PCOLCE: variants seen among roughly 807,000 people sequenced by gnomAD.
PCOLCE encodes the protein procollagen C-endopeptidase enhancer 1.
Under a neutral mutation model 47.2 loss-of-function variants are expected in PCOLCE, and 33 were observed. The observed-to-expected ratio is 0.70, with a 90% CI of 0.53 to 0.93. The LOEUF is 0.93. Ranked by LOEUF, PCOLCE falls within the 40% of genes least tolerant of loss-of-function variation. PCOLCE has a pLI of 0.00. For missense variants in PCOLCE, 584 were observed against 585.3 expected, an observed-to-expected ratio of 1.00 and a Z score of 0.02; for synonymous variants, 254 against 252.5, an observed-to-expected ratio of 1.01 and a Z score of -0.06.
chr7:100,605,136 T>G lies in PCOLCE; in HGVS notation c.509T>G (p.Leu170Arg). 9.3e-6 allele frequency: 15 copies of G among 1,610,350 alleles called. No individual in the cohort carries two copies. Among genetic ancestry groups the G allele is most frequent in the Non-Finnish European group, 1.3e-5 (15 of 1,178,070 alleles). ...GGRLEKAQGT[L>R]TTPNWPESDY... is the part of the protein sequence containing the mutation. ...CGGCTGGAGAAGGCCCAGGGAACCCTGACCACGCCCAACTGGCCCGAGTCC... is the reference window on the plus strand; with the variant it reads ...CGGCTGGAGAAGGCCCAGGGAACCCGGACCACGCCCAACTGGCCCGAGTCC... Residue 170 changes from leucine (L) to arginine (R), a missense_variant, in exon 4 of 9, where the codon CTG (leucine) becomes CGG (arginine). By Grantham distance (102) the Leu-to-Arg change is moderately radical. Transcript: ENST00000223061. This position sits in a 1 kb window ranked among gnomAD's most constrained non-coding sequence, Gnocchi z 6.1.
rs373022021 is a variant in PCOLCE, at chr7:100,607,647, G to A, written c.1023G>A (p.Ala341=). 46 of 1,613,944 alleles carry A rather than the reference G, an allele frequency of 2.9e-5. 1 individual carries two copies. The highest frequency in any genetic ancestry group is 6.7e-5 in the Admixed American group (4 of 59,984). Residue 341 remains alanine (A), a synonymous_variant, in exon 8 of 9, where the codon GCG becomes GCA. Coordinates refer to ENST00000223061, the MANE Select transcript of PCOLCE (RefSeq NM_002593.4). ...NFCASSLVVT[A]TVKSMVREPG... ...CCCATTCTCCCACAGTGGTGACTGC[G>A]ACAGTGAAGTCCATGGTTCGGGAGC...
chr7:100,604,263 C>T lies in PCOLCE; in HGVS notation c.463+46C>T. 6.6e-7 allele frequency: 1 copy of T among 1,516,200 alleles called. No homozygotes were observed. Among genetic ancestry groups the T allele is most frequent in the South Asian group, 1.2e-5 (1 of 83,160 alleles). 93.9% of individuals were successfully genotyped at this position (1,516,200 alleles called of 1,614,324 possible). A position where few individuals can be genotyped will look rare whatever the true frequency, so the allele number is the denominator to read the frequency against. The stretch of plus-strand genomic sequence containing the variant: ...GCCTTCCCCCCCTCCAGGCCCCGCC[C>T]CGGCCGCAGCCCCGCCCCCAGCCCT... On this transcript the variant is annotated intron_variant, in intron 3 of 8. Transcript: ENST00000223061. This position sits in a 1 kb window ranked among gnomAD's most constrained non-coding sequence, Gnocchi z 6.4.
At position 100,603,519 on chromosome 7, in the gene PCOLCE, A is replaced by C. The variant is rs1392179967; in HGVS notation, c.185A>C (p.Glu62Ala). The C allele has an allele frequency of 6.3e-7, 1 of 1,590,688 alleles. No individual in the cohort carries two copies. The highest frequency in any genetic ancestry group is 8.6e-7 in the Non-Finnish European group (1 of 1,163,154). ...CCCAACCTCTACCCCCCTAATAAGG[A>C]GTGCATCTGGACCATAACGGTGAGA... ...GFPNLYPPNK[E>A]CIWTITVPEG... The change falls in exon 2 of 9, where the codon GAG (glutamate) becomes GCG (alanine). Residue 62 changes from glutamate to alanine, a missense_variant. Physicochemically the swap from Glu to Ala is moderately radical, Grantham distance 107 (BLOSUM62 -1). Coordinates refer to ENST00000223061, the MANE Select transcript of PCOLCE (RefSeq NM_002593.4).
chr7:100,605,732 T>TGA lies in PCOLCE; in HGVS notation c.646_647dup (p.Asp216GlufsTer11). 1 of 1,572,458 alleles carries TGA rather than the reference T, an allele frequency of 6.4e-7. No individual in the cohort carries two copies. The highest frequency in any genetic ancestry group is 8.6e-7 in the Non-Finnish European group (1 of 1,159,024). ...TGGAGCCGGACACCTACTGCCGCTA[T>TGA]GACTCGGTCAGCGTGTTCAACGGAG... On this transcript the variant is annotated frameshift_variant, in exon 5 of 9. Coordinates refer to ENST00000223061, the MANE Select transcript of PCOLCE (RefSeq NM_002593.4). LOFTEE classifies it high-confidence loss of function. The surrounding 1 kb of genome is among the most constrained non-coding windows in gnomAD (Gnocchi z 6.1).
chr7:100,607,519 C>T lies in PCOLCE; in HGVS notation c.1008C>T (p.Ser336=). 6.2e-7 allele frequency: 1 copy of T among 1,614,084 alleles called. No homozygotes were observed. Residue 336 remains serine, a synonymous_variant, in exon 7 of 9, where the codon AGC becomes AGT. Coordinates refer to ENST00000223061, the MANE Select transcript of PCOLCE (RefSeq NM_002593.4). ...GTLQSNFCAS[S]LVVTATVKSM... The stretch of plus-strand genomic sequence containing the variant: ...TGCAGAGCAACTTCTGTGCCAGCAG[C>T]CTTGGTAAGAATACCCCCAACCCCA...
chr7:100,605,027 T>G lies in PCOLCE; in HGVS notation c.464-64T>G. ...GCCTGCCGGGGCTCCCAGCCTAGAG[T>G]TCTCCTGAAGCTGACCGAGGGTCTC... On this transcript the variant is annotated intron_variant, in intron 3 of 8. Coordinates refer to ENST00000223061, the MANE Select transcript of PCOLCE (RefSeq NM_002593.4). The surrounding 1 kb of genome is among the most constrained non-coding windows in gnomAD (Gnocchi z 6.1). The G allele has an allele frequency of 7.8e-7, 1 of 1,278,754 alleles. No homozygotes were observed. The allele number at this position is 1,278,754 out of a possible 1,614,324, so 79.2% of individuals were successfully genotyped here.
Position 100,605,080 on chromosome 7 carries a change from C to A in PCOLCE, c.464-11C>A, listed in dbSNP as rs1440278384. ...CCGCCCCCCACCCCCGCTCCTCTCT[C>A]CCCTCCCCAGAGCACCAATTTTGCG... On this transcript the variant is annotated splice_polypyrimidine_tract_variant and intron_variant, in intron 3 of 8. Coordinates refer to ENST00000223061, the MANE Select transcript of PCOLCE (RefSeq NM_002593.4). The surrounding 1 kb of genome is among the most constrained non-coding windows in gnomAD (Gnocchi z 6.1). The A allele has an allele frequency of 1.9e-6, 3 of 1,604,136 alleles. No homozygotes were observed. The highest frequency in any genetic ancestry group is 1.7e-6 in the Non-Finnish European group (2 of 1,173,156).
At position 100,607,518 on chromosome 7, in the gene PCOLCE, G is replaced by T. The variant is rs1465246140; in HGVS notation, c.1007G>T (p.Ser336Ile). The T allele has an allele frequency of 6.2e-7, 1 of 1,614,058 alleles. No individual in the cohort carries two copies. The highest frequency in any genetic ancestry group is 1.7e-5 in the Admixed American group (1 of 60,014). The change falls in exon 7 of 9, where the codon AGC becomes ATC. Residue 336 changes from serine (S) to isoleucine (I), a missense_variant. Ser to Ile is a moderately radical substitution (Grantham distance 142). Transcript: ENST00000223061. ...TTGCAGAGCAACTTCTGTGCCAGCA[G>T]CCTTGGTAAGAATACCCCCAACCCC... ...GTLQSNFCAS[S>I]LVVTATVKSM...
Position 100,605,496 on chromosome 7 carries a change from C to A in PCOLCE, c.589-180C>A. Reference sequence around the variant, plus strand: ...ACCTTGCCAACCACGACGACCGACACCCCTGCAGGGTCCCATGGGTGTGTG... The same window carrying A: ...ACCTTGCCAACCACGACGACCGACAACCCTGCAGGGTCCCATGGGTGTGTG... On this transcript the variant is annotated intron_variant, in intron 4 of 8. Transcript: ENST00000223061. The surrounding 1 kb of genome is among the most constrained non-coding windows in gnomAD (Gnocchi z 6.1). The A allele has an allele frequency of 1.3e-6, 1 of 773,526 alleles. No homozygotes were observed. 47.9% of individuals were successfully genotyped at this position (773,526 alleles called of 1,614,324 possible).
In PCOLCE at chr7:100,604,792, GGGGAAGAGGCGCGGTGC is replaced by G; in HGVS notation, c.464-296_464-280del. ...AGGGCCGGGGAGATGGGATCTCCTA[GGGGAAGAGGCGCGGTGC>G]GGCCGCGGGTCGGGGAGGGGCCAGA... On this transcript the variant is annotated intron_variant, in intron 3 of 8. Transcript: ENST00000223061. This position sits in a 1 kb window ranked among gnomAD's most constrained non-coding sequence, Gnocchi z 6.4. 1 of 447,138 alleles carries G rather than the reference GGGGAAGAGGCGCGGTGC, an allele frequency of 2.2e-6. No individual in the cohort carries two copies. The highest frequency in any genetic ancestry group is 4.1e-6 in the Non-Finnish European group (1 of 245,152). 27.7% of individuals were successfully genotyped at this position (447,138 alleles called of 1,614,324 possible).
rs1802698713 is a variant in PCOLCE at position 100,605,541 on chromosome 7, G to A, written c.589-135G>A. On this transcript the variant is annotated intron_variant, in intron 4 of 8. Coordinates refer to ENST00000223061, the MANE Select transcript of PCOLCE (RefSeq NM_002593.4). The surrounding 1 kb of genome is among the most constrained non-coding windows in gnomAD (Gnocchi z 6.1). ...TGTGTGTGGTCCTCCGTGCTGTGGT[G>A]TGAACGCCTTCAGGAGGGGGGCCCA... The A allele has an allele frequency of 1.0e-5, 11 of 1,079,696 alleles. No individual in the cohort carries two copies. Among genetic ancestry groups the A allele is most frequent in the Middle Eastern group, 3.1e-4 (1 of 3,276 alleles). The allele number at this position is 1,079,696 out of a possible 1,614,324, so 66.9% of individuals were successfully genotyped here.
chr7:100,602,525 C>G lies in PCOLCE; in HGVS notation c.69C>G (p.Ala23=), dbSNP rs766838771. 1 of 1,611,654 alleles carries G rather than the reference C, an allele frequency of 6.2e-7. No homozygotes were observed. Among genetic ancestry groups the G allele is most frequent in the Non-Finnish European group, 8.5e-7 (1 of 1,178,336 alleles). The part of the protein sequence containing the change: ...LLTACALLPF[A]QGQTPNYTRP... Reference sequence around the variant, plus strand: ...CTGCCTGCGCCCTGCTGCCTTTTGCCCAGGGCCAGACCCCCAACTACACCA... The same window carrying G: ...CTGCCTGCGCCCTGCTGCCTTTTGCGCAGGGCCAGACCCCCAACTACACCA... The change falls in exon 1 of 9, where the codon GCC becomes GCG. Residue 23 remains alanine, a synonymous_variant. Transcript: ENST00000223061.
Position 100,607,700 on chromosome 7 carries a change from G to T in PCOLCE, c.1076G>T (p.Ser359Ile), listed in dbSNP as rs1401226162. ...EPGEGLAVTV[S>I]LIGAYKTGGL... ...GGGGAGGGCCTTGCCGTGACTGTCA[G>T]TCTTATTGGTGCTTATAAAACTGGA... The change falls in exon 8 of 9, where the codon AGT becomes ATT. Residue 359 changes from serine (S) to isoleucine (I), a missense_variant. Physicochemically the swap from Ser to Ile is moderately radical, Grantham distance 142 (BLOSUM62 -2). Coordinates refer to ENST00000223061, the MANE Select transcript of PCOLCE (RefSeq NM_002593.4). The T allele has an allele frequency of 6.2e-7, 1 of 1,614,052 alleles. No homozygotes were observed. Among genetic ancestry groups the T allele is most frequent in the Admixed American group, 1.7e-5 (1 of 60,004 alleles).
chr7:100,604,429 G>A lies in PCOLCE; in HGVS notation c.463+212G>A. 1.6e-6 allele frequency: 1 copy of A among 624,172 alleles called. No homozygotes were observed. The highest frequency in any genetic ancestry group is 2.8e-5 in the East Asian group (1 of 35,608). The allele number at this position is 624,172 out of a possible 1,614,324, so 38.7% of individuals were successfully genotyped here. ...CGCACCCACCCATCCCTCTTCCAGG[G>A]CCCCCCCCAGGCGCGAGGCGGAAAT... On this transcript the variant is annotated intron_variant, in intron 3 of 8. Coordinates refer to ENST00000223061, the MANE Select transcript of PCOLCE (RefSeq NM_002593.4). This position sits in a 1 kb window ranked among gnomAD's most constrained non-coding sequence, Gnocchi z 6.4.
chr7:100,603,391 C>A, intron 1 of PCOLCE, 39 bp from the exon 2 acceptor site: 3 of 1,069,054 alleles, frequency 2.8e-6, no homozygotes, highest in Non-Finnish European at 4.2e-6. Flanking sequence ...CCCGTCCCAC[C>A]CGTCCCTGCT....
intron 1 of PCOLCE, chr7:100,603,046 C>T (rs911599301): frequency 1.2e-5 from 3 of 245,030 alleles, no homozygotes; most frequent in Admixed American, 5.6e-5. Flanking sequence ...CCACCCCCTC[C>T]CCCCCACCGC....
In PCOLCE at chr7:100,604,436, C is replaced by A. The variant is rs1171150818; in HGVS notation, c.463+219C>A. 3.2e-6 allele frequency: 2 copies of A among 632,518 alleles called. No homozygotes were observed. The highest frequency in any genetic ancestry group is 2.6e-5 in the Admixed American group (1 of 37,836). The allele number at this position is 632,518 out of a possible 1,614,324, so 39.2% of individuals were successfully genotyped here. ...ACCCATCCCTCTTCCAGGGCCCCCCCCAGGCGCGAGGCGGAAATGGGTCAC... is the reference window on the plus strand; with the variant it reads ...ACCCATCCCTCTTCCAGGGCCCCCCACAGGCGCGAGGCGGAAATGGGTCAC... On this transcript the variant is annotated intron_variant, in intron 3 of 8. Transcript: ENST00000223061. The surrounding 1 kb of genome is among the most constrained non-coding windows in gnomAD (Gnocchi z 6.4).
In PCOLCE at chr7:100,604,095, C is replaced by A. The variant is rs1327954694; in HGVS notation, c.341C>A (p.Thr114Asn). 1 of 1,610,284 alleles carries A rather than the reference C, an allele frequency of 6.2e-7. No individual in the cohort carries two copies. Among genetic ancestry groups the A allele is most frequent in the African/African-American group, 1.3e-5 (1 of 75,054 alleles). ...CAGCGGCTCGGACGCTTTTGTGGGA[C>A]CTTCCGGCCTGCGCCCCTAGTCGCC... ...SGQRLGRFCG[T>N]FRPAPLVAPG... is the part of the protein sequence containing the mutation. Residue 114 changes from threonine to asparagine, a missense_variant, in exon 3 of 9, where the codon ACC becomes AAC. Thr to Asn is a moderately conservative substitution (Grantham distance 65). Transcript: ENST00000223061. This position sits in a 1 kb window ranked among gnomAD's most constrained non-coding sequence, Gnocchi z 6.4.
chr7:100,604,449 G>A lies in PCOLCE; in HGVS notation c.463+232G>A, dbSNP rs898376057. 2.1e-5 allele frequency: 13 copies of A among 623,636 alleles called. No individual in the cohort carries two copies. Among genetic ancestry groups the A allele is most frequent in the African/African-American group, 5.5e-5 (3 of 54,198 alleles). 38.6% of individuals were successfully genotyped at this position (623,636 alleles called of 1,614,324 possible). On this transcript the variant is annotated intron_variant, in intron 3 of 8. Transcript: ENST00000223061. This position sits in a 1 kb window ranked among gnomAD's most constrained non-coding sequence, Gnocchi z 6.4. ...CCAGGGCCCCCCCCAGGCGCGAGGCGGAAATGGGTCACCGACCCGCGGGTG... is the reference window on the plus strand; with the variant it reads ...CCAGGGCCCCCCCCAGGCGCGAGGCAGAAATGGGTCACCGACCCGCGGGTG...
Sources: allele counts gnomAD v4.1 joint callset, GRCh38; gene constraint gnomAD v4.1.1; non-coding constraint Gnocchi (gnomAD v3.1); transcripts MANE v1.5; gene names NCBI Gene and HGNC (gene_info 2026-07-23, HGNC 2026-07-21).